The following MIGA1 variants were observed in gnomAD, a reference collection of about 807,000 sequenced individuals.
MIGA1 encodes family with sequence similarity 73, member A.
MIGA1 carries 58 observed loss-of-function variants against 82.0 expected under a neutral mutation model. That is an observed-to-expected ratio of 0.71 (90% CI 0.57 to 0.88). The LOEUF is 0.88. Ranked by LOEUF, MIGA1 falls within the 40% of genes least tolerant of loss-of-function variation. The pLI is 0.00. For missense variants in MIGA1, 751 were observed against 749.1 expected, an observed-to-expected ratio of 1.00 and a Z score of -0.03; for synonymous variants, 249 against 253.6, an observed-to-expected ratio of 0.98 and a Z score of 0.17.
In MIGA1 at chr1:77,843,319, A is replaced by G. The variant is rs1157448896; in HGVS notation, c.908A>G (p.Asp303Gly). The change falls in exon 8 of 16, where the codon GAT (aspartate) becomes GGT (glycine). Residue 303 changes from aspartate (D) to glycine (G), a missense_variant. Transcript: ENST00000370791. ...TTTTACTTTTAAGATAAAGATACAG[A>G]TATCACCATGAAGGGTAATGTGGAA... The G allele has an allele frequency of 6.2e-7, 1 of 1,611,870 alleles. No homozygotes were observed. Among genetic ancestry groups the G allele is most frequent in the Non-Finnish European group, 8.5e-7 (1 of 1,178,098 alleles).
intron 12 of MIGA1, 58 bp downstream of exon 12, chr1:77,861,380 A>G (rs1685447587): frequency 2.7e-6 from 3 of 1,100,544 alleles, no homozygotes; most frequent in Non-Finnish European, 2.8e-6. Flanking sequence ...GTAATTTTAT[A>G]TGAGTTGAGA....
At chr1:77,785,618 C>T (rs1035446712) in intron 2 of MIGA1, among the ~76,000 whole-genome samples, 6 of 152,166 alleles carry the variant, frequency 3.9e-5, no homozygotes, top group African/African-American at 1.4e-4. Context: ...ACTGGGATTA[C>T]AGGTGTGAGC....
intron 2 of MIGA1, among the ~76,000 whole-genome samples, chr1:77,795,042 C>G (rs1682594431): frequency 2.6e-5 from 4 of 151,914 alleles, no homozygotes. Flanking sequence ...CGGCTCACTG[C>G]AATCTCCACC....
intron 8 of MIGA1, among the ~76,000 whole-genome samples, chr1:77,858,166 G>T (rs1685333790): frequency 6.6e-6 from 1 of 152,114 alleles, no homozygotes; most frequent in Non-Finnish European, 1.5e-5. Flanking sequence ...GGCCAACATG[G>T]CAAAACCCCA....
intron 5 of MIGA1, among the ~76,000 whole-genome samples, chr1:77,809,336 A>G (rs1683226461): frequency 1.3e-5 from 2 of 152,196 alleles, no homozygotes; most frequent in Admixed American, 1.3e-4. Flanking sequence ...ACTTGCTGTT[A>G]CAAAACTGAT....
chr1:77,804,343 TA>T (rs1377263268), intron 4 of MIGA1, among the ~76,000 whole-genome samples: 1 of 152,204 alleles, frequency 6.6e-6, no homozygotes, highest in Non-Finnish European at 1.5e-5. Flanking sequence ...AGTATTTGTT[TA>T]AATCTAATGT....
chr1:77,813,918 T>A, intron 6 of MIGA1, 51 bp downstream of exon 6: 1 of 1,593,286 alleles, frequency 6.3e-7, no homozygotes, highest in African/African-American at 1.4e-5. Flanking sequence ...GAATCAAACT[T>A]TTTTTTTGTT....
chr1:77,806,325 A>G (rs1683098410), intron 4 of MIGA1, among the ~76,000 whole-genome samples: 1 of 152,202 alleles, frequency 6.6e-6, no homozygotes, highest in South Asian at 2.1e-4. Context: ...TGACTGTTGT[A>G]TATGTGGTCC....
intron 1 of MIGA1, among the ~76,000 whole-genome samples, chr1:77,782,625 G>T (rs934136398): frequency 2.0e-5 from 3 of 152,136 alleles, no homozygotes; most frequent in Non-Finnish European, 2.9e-5. Context: ...CTGCTTCTCT[G>T]TACTCATCTG....
Position 77,801,366 on chromosome 1 carries a change from G to A in MIGA1, c.231G>A (p.Val77=), listed in dbSNP as rs1570934337. 1 of 1,565,648 alleles carries A rather than the reference G, an allele frequency of 6.4e-7. No homozygotes were observed. The highest frequency in any genetic ancestry group is 8.6e-7 in the Non-Finnish European group (1 of 1,165,890). ...CTCCGGTGGCTAAAAAGTTGTTTGT[G>A]GTAACTGCAGTGAGTGCTATATCTG... Residue 77 remains valine (V), a synonymous_variant, in exon 3 of 16, where the codon GTG becomes GTA. Transcript: ENST00000370791.
At chr1:77,811,478 G>T in intron 5 of MIGA1, 1 of 1,544,884 alleles carries the variant, frequency 6.5e-7, no homozygotes, top group Non-Finnish European at 8.9e-7. Flanking sequence ...TTATATGTAA[G>T]AATATTCTTT....
intron 2 of MIGA1, among the ~76,000 whole-genome samples, chr1:77,794,695 T>G (rs892419529): frequency 7.2e-5 from 11 of 152,156 alleles, no homozygotes; most frequent in Non-Finnish European, 1.2e-4. Flanking sequence ...CCAGCTACTC[T>G]GGAGGCTAAA....
intron 2 of MIGA1, among the ~76,000 whole-genome samples, chr1:77,794,617 A>G (rs1181345061): frequency 4.6e-5 from 7 of 152,144 alleles, no homozygotes; most frequent in East Asian, 1.9e-4. Context: ...TCTCATTCCT[A>G]TAATCCCAGC....
At chr1:77,854,413 A>G (rs895084127) in intron 8 of MIGA1, among the ~76,000 whole-genome samples, 6 of 152,184 alleles carry the variant, frequency 3.9e-5, no homozygotes, top group Admixed American at 1.3e-4. Flanking sequence ...CTGGGTAGAT[A>G]CCCAGTCGTG....
chr1:77,799,660 T>TA (rs1258502217), intron 2 of MIGA1, among the ~76,000 whole-genome samples: 1 of 152,182 alleles, frequency 6.6e-6, no homozygotes, highest in African/African-American at 2.4e-5. Flanking sequence ...CTGCTTGTGT[T>TA]ACCTGTTTTT....
At chr1:77,852,659 C>CT (rs929604896) in intron 8 of MIGA1, among the ~76,000 whole-genome samples, 3 of 152,040 alleles carry the variant, frequency 2.0e-5, no homozygotes, top group African/African-American at 7.2e-5. Flanking sequence ...AATTTAATCT[C>CT]TGTTTCTTCA....
chr1:77,844,129 TATATATATAGATAG>T (rs1175070562), intron 8 of MIGA1, among the ~76,000 whole-genome samples: 6 of 117,432 alleles, frequency 5.1e-5, no homozygotes, highest in African/African-American at 2.1e-4. Context: ...TATATATATA[TATATATATAGATAG>T]ATAGATAGAT....
chr1:77,864,984 ATTAAAC>A (rs1685609315), intron 13 of MIGA1, among the ~76,000 whole-genome samples: 1 of 152,222 alleles, frequency 6.6e-6, no homozygotes, highest in Non-Finnish European at 1.5e-5. Flanking sequence ...ACTTACTGAT[ATTAAAC>A]TTAAAAGCAT....
At position 77,878,571 on chromosome 1, in the gene MIGA1, C is replaced by A; in HGVS notation, c.*3507C>A. ...CCTTGCCACCATGAGCTCTACCATC[C>A]ACTTCCATATGTAAATTATAAGAGG... is the stretch of plus-strand genomic sequence containing the variant. On this transcript the variant is annotated 3_prime_UTR_variant, in exon 16 of 16. Transcript: ENST00000370791. 3.6e-6 allele frequency: 1 copy of A among 275,776 alleles called. No homozygotes were observed. The highest frequency in any genetic ancestry group is 5.6e-5 in the East Asian group (1 of 17,814). The allele number at this position is 275,776 out of a possible 1,614,324, so 17.1% of individuals were successfully genotyped here.
Sources: gnomAD v4.1 joint callset for allele counts (sites outside exome capture counted in the v4.1 genomes callset) on GRCh38, gnomAD v4.1.1 for gene constraint, MANE v1.5 for transcripts, NCBI Gene and HGNC (gene_info 2026-07-23, HGNC 2026-07-21) for gene names.